The following DENND5A variants were observed in gnomAD, a reference collection of about 807,000 sequenced individuals.
DENND5A encodes the protein DENN domain containing 5A, also known as DENN domain-containing protein 5A.
In DENND5A, 64 loss-of-function variants were observed where a neutral mutation model predicts 140.3. The observed-to-expected ratio is 0.46, with a 90% CI of 0.37 to 0.56. The LOEUF (loss-of-function observed/expected upper bound fraction) is 0.56, where lower values mean the gene tolerates loss of function less well. Among genes scored for constraint, DENND5A ranks in the 20% least tolerant of loss-of-function variants. The pLI is 0.00. For synonymous variants in DENND5A, 605 were observed against 607.7 expected (o/e 1.00, Z 0.07); for missense variants, 1,292 against 1,593.8 (o/e 0.81, Z 3.22).
Position 9,170,723 on chromosome 11 carries a change from T to C in DENND5A, c.1961A>G (p.His654Arg), listed in dbSNP as rs1848343454. 1.2e-6 allele frequency: 2 copies of C among 1,613,912 alleles called. No individual in the cohort carries two copies. Among genetic ancestry groups the C allele is most frequent in the Non-Finnish European group, 1.7e-6 (2 of 1,180,024 alleles). Residue 654 changes from histidine to arginine, a missense_variant, in exon 9 of 23, where the codon CAT (histidine) becomes CGT (arginine). Transcript: ENST00000328194. The part of the protein sequence containing the change: ...AKIDHTAIHP[H>R]LLDMKIGQGK... ...TTGTCCAATCTTCATGTCAAGTAAA[T>C]GTGGGTGAATTGCAGTATGGTCAAT...
At chr11:9,146,916 A>G in intron 16 of DENND5A, 114 bp downstream of exon 16, 1 of 1,282,658 alleles carries the variant, frequency 7.8e-7, no homozygotes, top group Non-Finnish European at 1.1e-6. Flanking sequence ...CAAAAGACAA[A>G]TAGAAAGTAC....
intron 20 of DENND5A, chr11:9,143,048 G>C (rs1847299583): frequency 3.1e-6 from 2 of 640,734 alleles, no homozygotes; most frequent in Admixed American, 6.0e-5. Context: ...TGAAAGAAGA[G>C]ATGATGGATC....
chr11:9,178,500 TAAAA>T, intron 7 of DENND5A, 134 bp from the exon 8 acceptor site: 1 of 532,800 alleles, frequency 1.9e-6, no homozygotes, highest in African/African-American at 2.0e-5. Flanking sequence ...ATCTCTACAT[TAAAA>T]AAAAAAAAAC....
chr11:9,238,669 CT>C (rs1851105440), intron 1 of DENND5A, among the ~76,000 whole-genome samples: 1 of 151,962 alleles, frequency 6.6e-6, no homozygotes, highest in African/African-American at 2.4e-5. Flanking sequence ...CCGCCTCGGC[CT>C]CCCAAAGTGC....
chr11:9,220,213 A>G (rs897514897), intron 1 of DENND5A, among the ~76,000 whole-genome samples: 1 of 152,220 alleles, frequency 6.6e-6, no homozygotes. Flanking sequence ...CTTTCTTATA[A>G]ATTGCAAAAA....
chr11:9,248,556 G>A (rs548076099), intron 1 of DENND5A, among the ~76,000 whole-genome samples: 3 of 152,148 alleles, frequency 2.0e-5, no homozygotes, highest in African/African-American at 7.2e-5. Context: ...TCCAGAGGCT[G>A]AGTAGGAGGA....
At chr11:9,201,169 C>T (rs1849507842) in intron 4 of DENND5A, among the ~76,000 whole-genome samples, 1 of 151,586 alleles carries the variant, frequency 6.6e-6, no homozygotes, top group Non-Finnish European at 1.5e-5. Context: ...ACTATTCTGC[C>T]AGCCTGGGCA....
intron 1 of DENND5A, among the ~76,000 whole-genome samples, chr11:9,246,879 T>C (rs186602281): frequency 3.9e-5 from 6 of 152,166 alleles, no homozygotes; most frequent in Non-Finnish European, 7.3e-5. Flanking sequence ...CCTCCAAGTA[T>C]TGATTCACAA....
rs372745145 is a variant in DENND5A, at chr11:9,203,754, A to C, written c.855T>G (p.Pro285=). 1 of 1,614,092 alleles carries C rather than the reference A, an allele frequency of 6.2e-7. No homozygotes were observed. The highest frequency in any genetic ancestry group is 1.3e-5 in the African/African-American group (1 of 74,940). Residue 285 remains proline (P), a synonymous_variant, in exon 4 of 23, where the codon CCT becomes CCG. Coordinates refer to ENST00000328194, the MANE Select transcript of DENND5A (RefSeq NM_015213.4). Reference sequence around the variant, plus strand: ...CGAGCAGTTCAAAAACCTCTTTGACAGGAAAGTCAAATAGGGGAAGCTCAT... The same window carrying C: ...CGAGCAGTTCAAAAACCTCTTTGACCGGAAAGTCAAATAGGGGAAGCTCAT... ...STNELPLFDF[P]VKEVFELLGV...
chr11:9,248,828 T>A (rs1851590961), intron 1 of DENND5A, among the ~76,000 whole-genome samples: 1 of 152,080 alleles, frequency 6.6e-6, no homozygotes, highest in South Asian at 2.1e-4. Flanking sequence ...TAACAATATA[T>A]CCCAAAATTA....
intron 1 of DENND5A, among the ~76,000 whole-genome samples, chr11:9,264,758 G>T: frequency 6.6e-6 from 1 of 152,260 alleles, no homozygotes; most frequent in Admixed American, 6.5e-5. Context: ...GCAGCGGGCC[G>T]TAGGTTTGGA....
intron 11 of DENND5A, among the ~76,000 whole-genome samples, chr11:9,165,354 G>T (rs1234968671): frequency 6.6e-6 from 1 of 152,116 alleles, no homozygotes; most frequent in Non-Finnish European, 1.5e-5. Context: ...AAGCATGCAT[G>T]CTCTCAATTA....
At position 9,265,160 on chromosome 11, in the gene DENND5A, C is replaced by CCCG. The variant is rs1364153753; in HGVS notation, c.-94_-92dup. The CCCG allele has an allele frequency of 4.5e-6, 3 of 669,076 alleles. No individual in the cohort carries two copies. Among genetic ancestry groups the CCCG allele is most frequent in the Non-Finnish European group, 5.6e-6 (3 of 536,970 alleles). The allele number at this position is 669,076 out of a possible 1,614,324, so 41.4% of individuals were successfully genotyped here. ...GCCCGTCCGCCCTCAGGCCGCCCCT[C>CCCG]CCGCCGCCGCCGCTACCGCGGCTCG... On this transcript the variant is annotated 5_prime_UTR_variant, in exon 1 of 23. Transcript: ENST00000328194. The surrounding 1 kb of genome is among the most constrained non-coding windows in gnomAD (Gnocchi z 4.7).
At chr11:9,243,789 G>A (rs1300037039) in intron 1 of DENND5A, among the ~76,000 whole-genome samples, 1 of 152,094 alleles carries the variant, frequency 6.6e-6, no homozygotes, top group African/African-American at 2.4e-5. Flanking sequence ...GGGAGGCTGA[G>A]GCAGGAGAAT....
intron 22 of DENND5A, chr11:9,140,278 C>A: frequency 1.7e-6 from 2 of 1,183,420 alleles, no homozygotes; most frequent in Non-Finnish European, 2.2e-6. Context: ...CTATTATTAT[C>A]CCCACTTTAT....
intron 1 of DENND5A, among the ~76,000 whole-genome samples, chr11:9,253,441 G>C (rs908526634): frequency 6.6e-6 from 1 of 152,130 alleles, no homozygotes; most frequent in African/African-American, 2.4e-5. Flanking sequence ...CTCCCTGCCT[G>C]ATGGAGTCAA....
chr11:9,167,489 A>G (rs957706280), intron 10 of DENND5A, among the ~76,000 whole-genome samples: 5 of 151,410 alleles, frequency 3.3e-5, no homozygotes, highest in Admixed American at 6.6e-5. Context: ...AAAAAAAAAA[A>G]AAAGAAAAAG....
At chr11:9,242,010 G>A (rs1231186529) in intron 1 of DENND5A, among the ~76,000 whole-genome samples, 7 of 121,726 alleles carry the variant, frequency 5.8e-5, no homozygotes, top group Non-Finnish European at 8.1e-5. Context: ...GCGAAACTCC[G>A]TCTCAAAAAA....
chr11:9,206,166 A>C (rs138232926), intron 3 of DENND5A, among the ~76,000 whole-genome samples: 1,870 of 152,348 alleles, frequency 0.012, 38 homozygotes, highest in African/African-American at 0.042. Flanking sequence ...CACAAGGTGA[A>C]TATTCAATAA....
Sources: allele counts gnomAD v4.1 joint callset (sites outside exome capture counted in the v4.1 genomes callset), GRCh38; gene constraint gnomAD v4.1.1; non-coding constraint Gnocchi (gnomAD v3.1); transcripts MANE v1.5; gene names NCBI Gene and HGNC (gene_info 2026-07-23, HGNC 2026-07-21).